The following GLYATL2 variants were observed in gnomAD, a reference collection of about 807,000 sequenced individuals.
The protein encoded by GLYATL2 is glycine-N-acyltransferase like 2.
A neutral mutation model predicts 21.4 loss-of-function variants in GLYATL2; 25 were observed. That is an observed-to-expected ratio of 1.17 (90% CI 0.85 to 1.63). The LOEUF (loss-of-function observed/expected upper bound fraction) is 1.63, where lower values mean the gene tolerates loss of function less well. Ranked by LOEUF, GLYATL2 falls within the 40% of genes most tolerant of loss-of-function variation. The pLI is 0.00. For synonymous variants in GLYATL2, 114 were observed against 118.2 expected (o/e 0.96, Z 0.23); for missense variants, 361 against 343.3 (o/e 1.05, Z -0.41).
chr11:58,905,716 C>T (rs1041792108), upstream of GLYATL2: 140 of 139,400 alleles, frequency 1.0e-3, no homozygotes, highest in African/African-American at 7.1e-3. Context: ...TCGCTGGGAC[C>T]GGGATGGGTC....
chr11:58,887,546 T>G (rs1023253564), intron 1 of GLYATL2, among the ~76,000 whole-genome samples: 1 of 152,178 alleles, frequency 6.6e-6, no homozygotes, highest in African/African-American at 2.4e-5. Flanking sequence ...TTTCTACCCC[T>G]TGGGGTAATC....
At chr11:58,842,136 A>G (rs546211807) in intron 1 of GLYATL2, among the ~76,000 whole-genome samples, 1 of 152,316 alleles carries the variant, frequency 6.6e-6, no homozygotes, top group East Asian at 1.9e-4. Flanking sequence ...GACCTTATAT[A>G]CAAAATGCCA....
chr11:58,849,306 A>G (rs796857241), upstream of GLYATL2, among the ~76,000 whole-genome samples: 16 of 152,336 alleles, frequency 1.1e-4, 1 homozygote, highest in African/African-American at 3.4e-4. Flanking sequence ...AACGCTGTTA[A>G]CTGTGGTGTA....
At chr11:58,871,672 C>G (rs1285302112) in intron 1 of GLYATL2, among the ~76,000 whole-genome samples, 1 of 152,036 alleles carries the variant, frequency 6.6e-6, no homozygotes, top group Non-Finnish European at 1.5e-5. Context: ...TTTTCTTAAT[C>G]CAGTCTATCA....
At chr11:58,869,599 T>A (rs1854081560) in intron 1 of GLYATL2, among the ~76,000 whole-genome samples, 2 of 152,234 alleles carry the variant, frequency 1.3e-5, no homozygotes, top group Non-Finnish European at 2.9e-5. Flanking sequence ...TGTGTGTATA[T>A]GCATCTAGAT....
intron 1 of GLYATL2, among the ~76,000 whole-genome samples, chr11:58,858,633 A>C (rs1853875842): frequency 6.6e-6 from 1 of 152,160 alleles, no homozygotes; most frequent in African/African-American, 2.4e-5. Flanking sequence ...CAGCTTTTAA[A>C]TTTTGTGTTG....
upstream of GLYATL2, chr11:58,908,373 T>G (rs1011895494): frequency 1.3e-5 from 2 of 153,348 alleles, no homozygotes; most frequent in Admixed American, 6.5e-5. Context: ...GTTTTTTTGT[T>G]TTTTTAGACA....
intron 1 of GLYATL2, among the ~76,000 whole-genome samples, chr11:58,851,846 G>T (rs1250113272): frequency 1.3e-5 from 2 of 152,216 alleles, no homozygotes; most frequent in Non-Finnish European, 2.9e-5. Context: ...GGAGGAAGAT[G>T]TCTGTTAGTG....
intron 1 of GLYATL2, chr11:58,885,397 T>G (rs1590747376): frequency 2.6e-6 from 1 of 387,262 alleles, no homozygotes; most frequent in East Asian, 6.5e-5. Context: ...TCTCTAGGGA[T>G]CTCAACCTCT....
intron 1 of GLYATL2, among the ~76,000 whole-genome samples, chr11:58,894,476 CAAA>C (rs1554980634): frequency 2.6e-4 from 30 of 116,550 alleles, no homozygotes; most frequent in Admixed American, 2.4e-3. Context: ...GCAGCTATAG[CAAA>C]AAAAAAAAAA....
At chr11:58,905,253 T>A, upstream of GLYATL2, 1 of 356,098 alleles carries the variant, frequency 2.8e-6, no homozygotes, top group South Asian at 2.1e-5. Flanking sequence ...CGAAGTTGGA[T>A]CATTTGCGGA....
intron 1 of GLYATL2, among the ~76,000 whole-genome samples, chr11:58,887,852 T>C (rs1854471123): frequency 6.6e-6 from 1 of 152,180 alleles, no homozygotes; most frequent in Admixed American, 6.5e-5. Context: ...ATACAATTGA[T>C]TTCCAAAAGG....
upstream of GLYATL2, among the ~76,000 whole-genome samples, chr11:58,849,020 T>G (rs144403805): frequency 1.3e-5 from 2 of 152,182 alleles, no homozygotes; most frequent in Non-Finnish European, 2.9e-5. Context: ...AGTGGAAACC[T>G]AGGAGACAGT....
At chr11:58,854,176 A>G (rs973459359) in intron 1 of GLYATL2, among the ~76,000 whole-genome samples, 3 of 152,234 alleles carry the variant, frequency 2.0e-5, no homozygotes, top group Admixed American at 6.5e-5. Flanking sequence ...TTGTGCATAT[A>G]TACCACATTT....
chr11:58,853,750 A>G (rs1309074165), intron 1 of GLYATL2, among the ~76,000 whole-genome samples: 1 of 152,226 alleles, frequency 6.6e-6, no homozygotes, highest in African/African-American at 2.4e-5. Context: ...TAAAGTATGT[A>G]TACATTGTAA....
Position 58,871,989 on chromosome 11 carries a change from A to G in GLYATL2, n.60+32167T>C, listed in dbSNP as rs919658714. 4.7e-3 allele frequency among the ~76,000 whole-genome samples: 716 copies of G among 152,188 alleles called. 6 individuals carry two copies. Among genetic ancestry groups the G allele is most frequent in the African/African-American group, 0.016 (676 of 41,536 alleles). On this transcript the variant is annotated intron_variant and non_coding_transcript_variant, in intron 1 of 4. Coordinates refer to the GLYATL2 transcript ENST00000533636. ...ATGATCACCATTCTAACTGGTGTGA[A>G]ATGGTATCTCATTGTGGTTTTGATT...
At chr11:58,853,033 G>A (rs926336627) in intron 1 of GLYATL2, among the ~76,000 whole-genome samples, 7 of 152,104 alleles carry the variant, frequency 4.6e-5, no homozygotes, top group African/African-American at 7.2e-5. Context: ...TGATTTGCAC[G>A]TGTAATCAAG....
intron 1 of GLYATL2, among the ~76,000 whole-genome samples, chr11:58,861,262 G>T (rs764445857): frequency 6.6e-6 from 1 of 151,610 alleles, no homozygotes; most frequent in African/African-American, 2.4e-5. Flanking sequence ...CTTATTTAAC[G>T]TCCTTACTCA....
upstream of GLYATL2, chr11:58,905,686 G>A (rs1248443861): frequency 2.2e-6 from 1 of 452,638 alleles, no homozygotes; most frequent in Non-Finnish European, 4.4e-6. Flanking sequence ...GCTGTGGACC[G>A]AGTGGTTCGG....
Sources: gnomAD v4.1 joint callset for allele counts (sites outside exome capture counted in the v4.1 genomes callset) on GRCh38, gnomAD v4.1.1 for gene constraint, MANE v1.5 for transcripts, NCBI Gene and HGNC (gene_info 2026-07-23, HGNC 2026-07-21) for gene names.